GRB10: variants seen among roughly 807,000 people sequenced by gnomAD.
GRB10 encodes the protein growth factor receptor-bound protein 10.
In GRB10, 20 loss-of-function variants were observed where a neutral mutation model predicts 80.9. That is an observed-to-expected ratio of 0.25 (90% CI 0.17 to 0.36). The LOEUF (loss-of-function observed/expected upper bound fraction) is 0.36. Among genes scored for constraint, GRB10 ranks in the 10% least tolerant of loss-of-function variants. GRB10 has a pLI of 1.00. For missense variants in GRB10, 548 were observed against 747.7 expected (o/e 0.73, Z 3.12); for synonymous variants, 291 against 291.5 (o/e 1.00, Z 0.02).
At chr7:50,775,174 C>CAAAAAAAAAAA (rs1305513693) in intron 2 of GRB10, among the ~76,000 whole-genome samples, 1 of 71,452 alleles carries the variant, frequency 1.4e-5, no homozygotes, top group African/African-American at 4.8e-5. Flanking sequence ...AAAAAAAAAA[C>CAAAAAAAAAAA]AAAAAAAAAC....
intron 7 of GRB10, among the ~76,000 whole-genome samples, chr7:50,666,893 A>G (rs2059865450): frequency 6.6e-6 from 1 of 152,034 alleles, no homozygotes; most frequent in South Asian, 2.1e-4. Flanking sequence ...ACAAAAAATT[A>G]GCCGGGCGTG....
chr7:50,718,848 C>T (rs998074420), intron 4 of GRB10, among the ~76,000 whole-genome samples: 1 of 152,082 alleles, frequency 6.6e-6, no homozygotes, highest in Non-Finnish European at 1.5e-5. Context: ...AATGTCTAAG[C>T]TTGTTGAACC....
intron 7 of GRB10, among the ~76,000 whole-genome samples, chr7:50,631,910 C>A (rs1011081465): frequency 1.3e-5 from 2 of 152,170 alleles, no homozygotes; most frequent in Admixed American, 6.5e-5. Context: ...CCAGGGCTCC[C>A]CGCCCTGGCT....
At chr7:50,720,012 G>C (rs1250499660) in intron 4 of GRB10, among the ~76,000 whole-genome samples, 1 of 152,068 alleles carries the variant, frequency 6.6e-6, no homozygotes, top group African/African-American at 2.4e-5. Context: ...CACAGAACTT[G>C]AATGCCTCTC....
chr7:50,671,510 G>A (rs1382577769), intron 6 of GRB10, among the ~76,000 whole-genome samples: 3 of 152,230 alleles, frequency 2.0e-5, no homozygotes, highest in African/African-American at 7.2e-5. Context: ...TGGCATGAAG[G>A]GAATCAGTGC....
intron 3 of GRB10, among the ~76,000 whole-genome samples, chr7:50,737,110 G>GA (rs1233481475): frequency 1.3e-5 from 2 of 152,154 alleles, no homozygotes; most frequent in South Asian, 2.1e-4. Flanking sequence ...CATAGAATGG[G>GA]AAAAAATACT....
At chr7:50,737,813 A>T (rs1440006675) in intron 3 of GRB10, among the ~76,000 whole-genome samples, 1 of 152,202 alleles carries the variant, frequency 6.6e-6, no homozygotes, top group Non-Finnish European at 1.5e-5. Flanking sequence ...ACGCCATTGC[A>T]CTCCAGCCTG....
chr7:50,615,369 C>G (rs543568402), intron 11 of GRB10, among the ~76,000 whole-genome samples: 1 of 152,196 alleles, frequency 6.6e-6, no homozygotes, highest in Non-Finnish European at 1.5e-5. Flanking sequence ...TCAGCACACA[C>G]GAGGACAGTG....
chr7:50,595,155 C>T (rs954361509), intron 18 of GRB10, among the ~76,000 whole-genome samples: 11 of 152,024 alleles, frequency 7.2e-5, no homozygotes, highest in Admixed American at 4.6e-4. Context: ...CCCCTTCCTG[C>T]GACCTTGATC....
chr7:50,783,784 TCA>T, upstream of GRB10, among the ~76,000 whole-genome samples: 1 of 152,142 alleles, frequency 6.6e-6, no homozygotes, highest in Non-Finnish European at 1.5e-5. Flanking sequence ...TATACTGCAT[TCA>T]CACACGTTAA....
chr7:50,681,810 G>A (rs1184066194), intron 5 of GRB10, among the ~76,000 whole-genome samples: 1 of 152,218 alleles, frequency 6.6e-6, no homozygotes, highest in Non-Finnish European at 1.5e-5. Flanking sequence ...TGCCTTCCAT[G>A]TGAGGTGTAA....
chr7:50,632,307 T>A (rs1274052568), intron 7 of GRB10, among the ~76,000 whole-genome samples: 1 of 152,240 alleles, frequency 6.6e-6, no homozygotes, highest in Admixed American at 6.5e-5. Flanking sequence ...ATGTGCTTAA[T>A]AGCCTGCATT....
At chr7:50,622,792 T>C (rs2052062764) in intron 8 of GRB10, among the ~76,000 whole-genome samples, 2 of 152,020 alleles carry the variant, frequency 1.3e-5, no homozygotes, top group African/African-American at 4.8e-5. Flanking sequence ...TTTTATCTTT[T>C]TTTTTTTTTT....
chr7:50,652,164 A>G (rs2058072649), intron 7 of GRB10, among the ~76,000 whole-genome samples: 1 of 152,252 alleles, frequency 6.6e-6, no homozygotes, highest in Admixed American at 6.5e-5. Flanking sequence ...TGGCTGAGAC[A>G]ATATAAAACT....
rs1019528045 is a variant in GRB10 at position 50,782,778 on chromosome 7, C to T, written c.-681G>A. On this transcript the variant is annotated 5_prime_UTR_variant, in exon 1 of 19. Transcript: ENST00000401949. This position sits in a 1 kb window ranked among gnomAD's most constrained non-coding sequence, Gnocchi z 6.6. Reference sequence around the variant, plus strand: ...CCATCACCACGCAGGTGCCCGGGGGCCCCTCCGCGGAGCCGGCTGCCGCCC... The same window carrying T: ...CCATCACCACGCAGGTGCCCGGGGGTCCCTCCGCGGAGCCGGCTGCCGCCC... 1 of 152,244 alleles carries T rather than the reference C, an allele frequency of 6.6e-6. No homozygotes were observed. The highest frequency in any genetic ancestry group is 2.4e-5 in the African/African-American group (1 of 41,554). The allele number at this position is 152,244 out of a possible 1,614,324, so 9.4% of individuals were successfully genotyped here. A position where few individuals can be genotyped will look rare whatever the true frequency, so the allele number is the denominator to read the frequency against.
intron 6 of GRB10, among the ~76,000 whole-genome samples, chr7:50,673,363 C>A (rs1430928680): frequency 6.6e-6 from 1 of 152,196 alleles, no homozygotes; most frequent in East Asian, 1.9e-4. Context: ...CCCTGGCTCT[C>A]AGCTTGATTC....
intron 3 of GRB10, among the ~76,000 whole-genome samples, chr7:50,749,024 C>A (rs931501348): frequency 6.6e-6 from 1 of 152,060 alleles, no homozygotes; most frequent in Admixed American, 6.5e-5. Context: ...ACTCTACAAT[C>A]TAGAGGATGC....
chr7:50,674,471 C>T lies in GRB10; in HGVS notation c.327G>A (p.Val109=). The change falls in exon 6 of 19, where the codon GTG becomes GTA. Residue 109 remains valine (V), a synonymous_variant. Coordinates refer to ENST00000401949, the MANE Select transcript of GRB10 (RefSeq NM_001350814.2). ...GGATGTGCACAGGCTGGGAGCGCTG[C>T]ACCCTCTGCCTCGGGGACACCTGTG... is the stretch of plus-strand genomic sequence containing the variant. The part of the protein sequence containing the change: ...IQPQVSPRQR[V]QRSQPVHILA... 1 of 1,607,496 alleles carries T rather than the reference C, an allele frequency of 6.2e-7. No homozygotes were observed.
At chr7:50,788,503 G>A (rs191148474) in intron 1 of GRB10, among the ~76,000 whole-genome samples, 7 of 152,246 alleles carry the variant, frequency 4.6e-5, no homozygotes, top group African/African-American at 1.2e-4. Flanking sequence ...AGTCCCCAAC[G>A]CAGTGCCACC....
Sources: gnomAD v4.1 joint callset for allele counts (sites outside exome capture counted in the v4.1 genomes callset) on GRCh38, gnomAD v4.1.1 for gene constraint, Gnocchi (gnomAD v3.1) non-coding constraint, MANE v1.5 for transcripts, NCBI Gene and HGNC (gene_info 2026-07-23, HGNC 2026-07-21) for gene names.